Variants in GRM1 observed in about 807,000 individuals in gnomAD.
The protein encoded by GRM1 is glutamate metabotropic receptor 1.
In GRM1, 33 loss-of-function variants were observed where a neutral mutation model predicts 90.9. That is an observed-to-expected ratio of 0.36 (90% confidence interval 0.28 to 0.49). The LOEUF (loss-of-function observed/expected upper bound fraction) is 0.49. GRM1 is among the 20% of genes least tolerant of loss of function. The pLI, the probability that GRM1 is intolerant of heterozygous loss-of-function variation, is 0.99. For synonymous variants in GRM1, 700 were observed against 613.2 expected (o/e 1.14, Z -2.09); for missense variants, 1,190 against 1,534.3 (o/e 0.78, Z 3.75).
intron 1 of GRM1, among the ~76,000 whole-genome samples, chr6:146,121,122 A>C (rs554522524): frequency 1.3e-5 from 2 of 151,970 alleles, no homozygotes; most frequent in Non-Finnish European, 2.9e-5. Context: ...AGAGCCTCTT[A>C]TTGGTCTATT....
rs144720788 is a variant in GRM1 at position 146,349,517 on chromosome 6, A to C, written c.1187-2733A>C. On this transcript the variant is annotated intron_variant, in intron 3 of 7. Coordinates refer to ENST00000282753, the MANE Select transcript of GRM1 (RefSeq NM_001278064.2). ...CTTTTTAGTGAGGTCTACTCTAACC[A>C]ATCGACATGATACTGTCTCAACATA... 2.6e-3 allele frequency among the ~76,000 whole-genome samples: 403 copies of C among 152,212 alleles called. 1 individual carries two copies. Among genetic ancestry groups the C allele is most frequent in the African/African-American group, 9.1e-3 (380 of 41,540 alleles).
intron 2 of GRM1, among the ~76,000 whole-genome samples, chr6:146,209,838 G>T (rs184402620): frequency 6.6e-6 from 1 of 152,130 alleles, no homozygotes; most frequent in African/African-American, 2.4e-5. Context: ...AGATTGTTAG[G>T]CAGCAGTGGG....
chr6:146,278,840 A>G (rs544215326), intron 2 of GRM1, among the ~76,000 whole-genome samples: 1 of 152,202 alleles, frequency 6.6e-6, no homozygotes, highest in East Asian at 1.9e-4. Context: ...TCAACAGAGA[A>G]GTTATATAGA....
chr6:146,310,126 A>G (rs1463598932), intron 3 of GRM1, among the ~76,000 whole-genome samples: 1 of 152,230 alleles, frequency 6.6e-6, no homozygotes, highest in Non-Finnish European at 1.5e-5. Flanking sequence ...ACAGCTCAGG[A>G]CTGGTAAGAT....
intron 1 of GRM1, among the ~76,000 whole-genome samples, chr6:146,093,953 A>G (rs934044411): frequency 1.2e-4 from 18 of 152,242 alleles, no homozygotes; most frequent in African/African-American, 4.3e-4. Flanking sequence ...GCCTCCTAAA[A>G]TATAGTAAGA....
At chr6:146,410,574 G>A (rs973948709) in intron 7 of GRM1, among the ~76,000 whole-genome samples, 2 of 152,134 alleles carry the variant, frequency 1.3e-5, no homozygotes, top group Non-Finnish European at 2.9e-5. Flanking sequence ...AGAGGAGGTA[G>A]GGAATGTTTG....
intron 1 of GRM1, among the ~76,000 whole-genome samples, chr6:146,069,744 T>G (rs1775965527): frequency 6.6e-6 from 1 of 152,204 alleles, no homozygotes; most frequent in African/African-American, 2.4e-5. Context: ...GGAAAGCCAA[T>G]GAAGCAATCT....
chr6:146,348,264 A>T (rs1339358048), intron 3 of GRM1, among the ~76,000 whole-genome samples: 1 of 152,240 alleles, frequency 6.6e-6, no homozygotes, highest in Non-Finnish European at 1.5e-5. Context: ...CCATGAAAAT[A>T]TAGGAGCTTT....
intron 4 of GRM1, among the ~76,000 whole-genome samples, chr6:146,356,222 T>G (rs1562634409): frequency 6.6e-6 from 1 of 152,168 alleles, no homozygotes; most frequent in Non-Finnish European, 1.5e-5. Flanking sequence ...GCTATTGACT[T>G]ATAGATTGTC....
intron 1 of GRM1, among the ~76,000 whole-genome samples, chr6:146,103,350 C>T (rs1466789962): frequency 1.3e-5 from 2 of 152,050 alleles, no homozygotes; most frequent in Non-Finnish European, 2.9e-5. Context: ...CAGGGATTAC[C>T]CAGGCCAAAG....
intron 1 of GRM1, among the ~76,000 whole-genome samples, chr6:146,065,495 G>C (rs910884826): frequency 6.6e-6 from 1 of 152,138 alleles, no homozygotes; most frequent in African/African-American, 2.4e-5. Context: ...TAGGGTAATT[G>C]ACTGACAAGT....
chr6:146,081,400 A>G (rs1776360162), intron 1 of GRM1, among the ~76,000 whole-genome samples: 1 of 152,212 alleles, frequency 6.6e-6, no homozygotes, highest in Admixed American at 6.5e-5. Flanking sequence ...CAAAAAGAGC[A>G]GCCCTGCAGT....
chr6:146,044,082 T>A (rs1791234022), intron 1 of GRM1, among the ~76,000 whole-genome samples: 1 of 151,822 alleles, frequency 6.6e-6, no homozygotes, highest in Non-Finnish European at 1.5e-5. Context: ...GCCATTTCCT[T>A]CTTAGTGCAT....
At chr6:146,115,945 A>C (rs898326512) in intron 1 of GRM1, among the ~76,000 whole-genome samples, 2 of 152,130 alleles carry the variant, frequency 1.3e-5, no homozygotes, top group Non-Finnish European at 2.9e-5. Flanking sequence ...ATTCTTTGTA[A>C]TTACATTCAT....
intron 3 of GRM1, among the ~76,000 whole-genome samples, chr6:146,321,955 G>A (rs771631731): frequency 6.6e-6 from 1 of 151,828 alleles, no homozygotes; most frequent in Non-Finnish European, 1.5e-5. Context: ...GAACATTTTT[G>A]TTCCCTTGCT....
Position 146,433,945 on chromosome 6 carries a change from C to T in GRM1, c.2734C>T (p.Arg912Cys). 1 of 1,613,572 alleles carries T rather than the reference C, an allele frequency of 6.2e-7. No homozygotes were observed. The highest frequency in any genetic ancestry group is 8.5e-7 in the Non-Finnish European group (1 of 1,179,498). ...QVPKGQHMWH[R>C]LSVHVKTNET... The stretch of plus-strand genomic sequence containing the variant: ...GCCCAAGGGACAGCATATGTGGCAC[C>T]GCCTCTCTGTGCACGTGAAGACCAA... The change falls in exon 8 of 8, where the codon CGC becomes TGC. Residue 912 changes from arginine to cysteine, a missense_variant. Coordinates refer to ENST00000282753, the MANE Select transcript of GRM1 (RefSeq NM_001278064.2).
chr6:146,342,881 C>G (rs1288223646), intron 3 of GRM1, among the ~76,000 whole-genome samples: 1 of 152,172 alleles, frequency 6.6e-6, no homozygotes, highest in Non-Finnish European at 1.5e-5. Context: ...TTATTAATGT[C>G]TTATATTGCT....
intron 1 of GRM1, among the ~76,000 whole-genome samples, chr6:146,134,511 A>G (rs938506660): frequency 1.3e-5 from 2 of 152,174 alleles, no homozygotes; most frequent in East Asian, 1.9e-4. Context: ...GAAACTTACA[A>G]TCATGGCAGA....
intron 2 of GRM1, among the ~76,000 whole-genome samples, chr6:146,198,040 T>G (rs1779179575): frequency 1.3e-5 from 2 of 152,350 alleles, no homozygotes; most frequent in South Asian, 4.1e-4. Context: ...CAAGGACACT[T>G]GGGGAGGTGT....
Sources: gnomAD v4.1 joint callset for allele counts (sites outside exome capture counted in the v4.1 genomes callset) on GRCh38, gnomAD v4.1.1 for gene constraint, MANE v1.5 for transcripts, NCBI Gene and HGNC (gene_info 2026-07-23, HGNC 2026-07-21) for gene names.